The following KCNN2 variants were observed in gnomAD, a reference collection of about 807,000 sequenced individuals.
KCNN2 encodes the protein potassium calcium-activated channel subfamily N member 2, also known as small conductance calcium-activated potassium channel protein 2.
KCNN2 carries 24 observed loss-of-function variants against 55.5 expected under a neutral mutation model. That is an observed-to-expected ratio of 0.43 (90% CI 0.31 to 0.61). The LOEUF (loss-of-function observed/expected upper bound fraction) is 0.61, where lower values mean the gene tolerates loss of function less well. Among genes scored for constraint, KCNN2 ranks in the 20% least tolerant of loss-of-function variants. KCNN2 has a pLI of 0.08. For synonymous variants in KCNN2, 431 were observed against 336.1 expected (o/e 1.28, Z -3.09); for missense variants, 754 against 853.6 (o/e 0.88, Z 1.45).
intron 2 of KCNN2, among the ~76,000 whole-genome samples, chr5:114,314,959 G>A (rs1220994361): frequency 6.6e-6 from 1 of 152,266 alleles, no homozygotes. Flanking sequence ...ACTGAGGCTA[G>A]TTCCTCTAAC....
chr5:114,101,579 T>G (rs961759151), intron 1 of KCNN2, among the ~76,000 whole-genome samples: 7 of 151,692 alleles, frequency 4.6e-5, no homozygotes, highest in Admixed American at 3.9e-4. Flanking sequence ...ATGCTGTCCC[T>G]CCCCTTACCC....
chr5:114,422,351 C>T (rs1759496248), intron 3 of KCNN2, among the ~76,000 whole-genome samples: 1 of 152,062 alleles, frequency 6.6e-6, no homozygotes, highest in Admixed American at 6.5e-5. Context: ...AAAGAGACCC[C>T]AGAGAGCTCC....
At chr5:114,446,789 C>T (rs1349133465) in intron 3 of KCNN2, among the ~76,000 whole-genome samples, 1 of 152,100 alleles carries the variant, frequency 6.6e-6, no homozygotes, top group Non-Finnish European at 1.5e-5. Context: ...TGCCTGCAAT[C>T]TACTTGGAAG....
chr5:114,348,669 T>A (rs910309618), intron 2 of KCNN2, among the ~76,000 whole-genome samples: 24 of 152,186 alleles, frequency 1.6e-4, no homozygotes, highest in Non-Finnish European at 5.9e-5. Flanking sequence ...TGATACTATT[T>A]GGATTTACAA....
intron 1 of KCNN2, among the ~76,000 whole-genome samples, chr5:114,148,589 G>A (rs182516035): frequency 3.5e-4 from 54 of 152,204 alleles, no homozygotes; most frequent in African/African-American, 1.3e-3. Flanking sequence ...GGGTCCTGGA[G>A]TGTCGAAAGA....
chr5:114,384,203 G>T (rs752047935), intron 2 of KCNN2, among the ~76,000 whole-genome samples: 1 of 152,122 alleles, frequency 6.6e-6, no homozygotes, highest in Non-Finnish European at 1.5e-5. Flanking sequence ...AAAAACTTAT[G>T]ATATTCAAAC....
intron 6 of KCNN2, among the ~76,000 whole-genome samples, chr5:114,491,657 A>C (rs763685241): frequency 6.6e-6 from 1 of 152,026 alleles, no homozygotes; most frequent in Non-Finnish European, 1.5e-5. Flanking sequence ...CATCTTAAGT[A>C]TCACTTAAAG....
Position 114,362,389 on chromosome 5 carries a change from G to A in KCNN2, c.250G>A (p.Asp84Asn), listed in dbSNP as rs558239519. 2 of 244,648 alleles carry A rather than the reference G, an allele frequency of 8.2e-6. No homozygotes were observed. The highest frequency in any genetic ancestry group is 1.8e-4 in the East Asian group (2 of 11,060). The allele number at this position is 244,648 out of a possible 1,614,324, so 15.2% of individuals were successfully genotyped here. ...SSGAPAAGAGDNLSLLLRTSS... is the reference protein window; with the variant it reads ...SSGAPAAGAGNNLSLLLRTSS... ...CGGTGCCCCGGCGGCGGGGGCGGGA[G>A]ATAACCTGTCCCTGCTGCTCCGCAC... The change falls in exon 1 of 8, where the codon GAT becomes AAT. Residue 84 changes from aspartate (D) to asparagine (N), a missense_variant. Physicochemically the swap from Asp to Asn is conservative, Grantham distance 23 (BLOSUM62 1). Around this residue, in one of 4 missense-constraint regions of KCNN2, gnomAD observed 381 missense variants for 259.1 expected, o/e 1.47. Transcript: ENST00000673685.
chr5:114,495,836 G>A (rs1748088590), intron 7 of KCNN2, 59 bp from the exon 8 acceptor site: 1 of 1,513,656 alleles, frequency 6.6e-7, no homozygotes, highest in East Asian at 2.3e-5. Context: ...CCTCTGAGAG[G>A]TGGACAGTTT....
intron 2 of KCNN2, among the ~76,000 whole-genome samples, chr5:114,325,953 T>G (rs1756706733): frequency 6.6e-6 from 1 of 152,218 alleles, no homozygotes; most frequent in South Asian, 2.1e-4. Context: ...TCTGGGCCTG[T>G]GGTCAAACAC....
chr5:114,406,934 G>A (rs1252367856), intron 3 of KCNN2, among the ~76,000 whole-genome samples: 2 of 152,078 alleles, frequency 1.3e-5, no homozygotes, highest in African/African-American at 4.8e-5. Context: ...TAATCAGCTG[G>A]ATATAAAACT....
chr5:114,181,532 G>A (rs1753240430), intron 1 of KCNN2, among the ~76,000 whole-genome samples: 1 of 152,072 alleles, frequency 6.6e-6, no homozygotes, highest in African/African-American at 2.4e-5. Flanking sequence ...TATTGAATAT[G>A]TGGGTATTCA....
At position 114,308,874 on chromosome 5, in the gene KCNN2, T is replaced by C. The variant is rs530236977; in HGVS notation, c.-184-52071T>C. ...CCAAAATATTATGCTACATTATTCC[T>C]TTCTGAAGAGAAGAGTGAAATTTTG... On this transcript the variant is annotated intron_variant, in intron 2 of 10. Coordinates refer to the KCNN2 transcript ENST00000512097. Among the ~76,000 whole-genome samples, 15 of 152,330 alleles carry C rather than the reference T, an allele frequency of 9.8e-5. No homozygotes were observed. In the South Asian group the frequency reaches 2.9e-3, roughly 29 times the overall value.
intron 1 of KCNN2, among the ~76,000 whole-genome samples, chr5:114,112,602 G>A (rs1472448716): frequency 2.6e-5 from 4 of 151,910 alleles, no homozygotes; most frequent in African/African-American, 4.8e-5. Flanking sequence ...CTTTTTGGGC[G>A]ATTCTCTAGT....
At chr5:114,238,836 C>T (rs189240964) in intron 2 of KCNN2, among the ~76,000 whole-genome samples, 108 of 152,168 alleles carry the variant, frequency 7.1e-4, no homozygotes, top group African/African-American at 2.1e-3. Context: ...AAGCATGGAC[C>T]TATTTTTTTT....
intron 1 of KCNN2, among the ~76,000 whole-genome samples, chr5:114,140,054 AT>A (rs573113267): frequency 7.1e-4 from 108 of 152,194 alleles, no homozygotes; most frequent in African/African-American, 2.6e-3. Flanking sequence ...CAAGTCAATT[AT>A]TTTTTATATA....
At chr5:114,269,618 A>G (rs1755282214) in intron 2 of KCNN2, among the ~76,000 whole-genome samples, 2 of 151,864 alleles carry the variant, frequency 1.3e-5, no homozygotes, top group African/African-American at 4.8e-5. Flanking sequence ...GTTGCAGATT[A>G]TTTTAATACC....
intron 6 of KCNN2, among the ~76,000 whole-genome samples, chr5:114,492,465 G>T (rs1489496712): frequency 6.6e-6 from 1 of 152,066 alleles, no homozygotes; most frequent in Non-Finnish European, 1.5e-5. Context: ...GCTTTTAATT[G>T]TTAGCTTAAG....
chr5:114,373,389 T>C (rs1404506832), intron 2 of KCNN2, among the ~76,000 whole-genome samples: 1 of 151,622 alleles, frequency 6.6e-6, no homozygotes, highest in Non-Finnish European at 1.5e-5. Context: ...TTGTTTTCAT[T>C]ATAGGAAGCT....
Sources: allele counts gnomAD v4.1 joint callset (sites outside exome capture counted in the v4.1 genomes callset), GRCh38; gene constraint gnomAD v4.1.1; regional missense constraint gnomAD v4.1.1; transcripts MANE v1.5; gene names NCBI Gene and HGNC (gene_info 2026-07-23, HGNC 2026-07-21).